Variants in ZNF735 observed in about 807,000 individuals in gnomAD.
ZNF735 encodes the protein putative zinc finger protein 735.
ZNF735 carries 11 observed loss-of-function variants against 13.4 expected under a neutral mutation model. That is an observed-to-expected ratio of 0.82 (90% CI 0.52 to 1.36). ZNF735 has a LOEUF of 1.36. Among genes scored for constraint, ZNF735 ranks in the 40% most tolerant of loss-of-function variants. The pLI, the probability that ZNF735 is intolerant of heterozygous loss-of-function variation, is 0.00. For synonymous variants in ZNF735, 171 were observed against 162.6 expected (o/e 1.05, Z -0.39); for missense variants, 500 against 484.6 (o/e 1.03, Z -0.30).
At chr7:64,211,362 G>A (rs1787358321) in intron 1 of ZNF735, among the ~76,000 whole-genome samples, 1 of 152,146 alleles carries the variant, frequency 6.6e-6, no homozygotes, top group East Asian at 1.9e-4. Context: ...TTTCATCTGT[G>A]TGCTCTATTA....
intron 1 of ZNF735, among the ~76,000 whole-genome samples, chr7:64,210,665 T>TA (rs1787346074): frequency 6.6e-6 from 1 of 152,194 alleles, no homozygotes; most frequent in Non-Finnish European, 1.5e-5. Context: ...CCCATTACTG[T>TA]AAAGAAGATT....
intron 1 of ZNF735, among the ~76,000 whole-genome samples, chr7:64,211,223 A>G (rs995848969): frequency 1.3e-5 from 2 of 152,210 alleles, no homozygotes; most frequent in East Asian, 1.9e-4. Flanking sequence ...ACAAATTTAT[A>G]ACCTGCAATA....
At chr7:64,208,043 T>A (rs1414853927) in intron 1 of ZNF735, among the ~76,000 whole-genome samples, 1 of 151,772 alleles carries the variant, frequency 6.6e-6, no homozygotes, top group Non-Finnish European at 1.5e-5. Context: ...TTGTGATCCA[T>A]GGGAGAGACT....
At chr7:64,208,391 G>A (rs1274448573) in intron 1 of ZNF735, among the ~76,000 whole-genome samples, 2 of 151,490 alleles carry the variant, frequency 1.3e-5, no homozygotes, top group African/African-American at 4.9e-5. Context: ...CGAGTAGCTG[G>A]AATTACAGGT....
At chr7:64,214,048 C>G (rs1787391333) in exon 3 of ZNF735, 2 of 1,600,262 alleles carry the variant, frequency 1.2e-6, no homozygotes, top group Non-Finnish European at 1.7e-6. Context: ...GATCGCCTGT[C>G]TGGAGCAAAA....
At chr7:64,220,279 A>G in exon 4 of ZNF735, 2 of 1,607,282 alleles carry the variant, frequency 1.2e-6, no homozygotes, top group African/African-American at 2.7e-5. Flanking sequence ...GAAACCCTAC[A>G]AATGTAAATA....
chr7:64,209,588 G>T (rs201306307), intron 1 of ZNF735, among the ~76,000 whole-genome samples: 5,923 of 152,230 alleles, frequency 0.039, 182 homozygotes, highest in East Asian at 0.16. Flanking sequence ...GCCTCTGAAA[G>T]TGCTGGGATT....
chr7:64,209,254 A>G (rs1285933257), intron 1 of ZNF735, among the ~76,000 whole-genome samples: 2 of 143,092 alleles, frequency 1.4e-5, no homozygotes. Flanking sequence ...TTTTTAGTCT[A>G]ATTGTTTTTA....
intron 1 of ZNF735, among the ~76,000 whole-genome samples, chr7:64,212,181 T>C (rs746665899): frequency 1.3e-5 from 2 of 152,182 alleles, no homozygotes; most frequent in Non-Finnish European, 2.9e-5. Context: ...TCTTTTTAGA[T>C]GACTTTTGCA....
At chr7:64,207,436 G>T (rs766915515) in intron 1 of ZNF735, among the ~76,000 whole-genome samples, 195 bp downstream of exon 1, 9 of 152,234 alleles carry the variant, frequency 5.9e-5, no homozygotes, top group Non-Finnish European at 1.2e-4. Context: ...GACCCTGGGA[G>T]TTCTGTCTTT....
chr7:64,207,430 CTGGG>C (rs1270238810), intron 1 of ZNF735, among the ~76,000 whole-genome samples, 189 bp downstream of exon 1: 1 of 152,214 alleles, frequency 6.6e-6, no homozygotes, highest in Non-Finnish European at 1.5e-5. Flanking sequence ...GGCTGGGACC[CTGGG>C]AGTTCTGTCT....
At chr7:64,215,814 G>A (rs1046202933) in intron 3 of ZNF735, among the ~76,000 whole-genome samples, 15 of 152,082 alleles carry the variant, frequency 9.9e-5, no homozygotes, top group African/African-American at 3.6e-4. Flanking sequence ...CCTTGTGGCA[G>A]ATTATTTGGT....
At chr7:64,209,460 G>A (rs1787332139) in intron 1 of ZNF735, among the ~76,000 whole-genome samples, 1 of 151,506 alleles carries the variant, frequency 6.6e-6, no homozygotes, top group South Asian at 2.1e-4. Context: ...CGATTCTCCT[G>A]GGATTACAGG....
chr7:64,212,057 A>G (rs975492729), intron 1 of ZNF735, among the ~76,000 whole-genome samples: 2 of 152,134 alleles, frequency 1.3e-5, no homozygotes, highest in Admixed American at 6.6e-5. Context: ...CAAGATCTCT[A>G]TGACATTTTT....
intron 1 of ZNF735, among the ~76,000 whole-genome samples, chr7:64,210,708 G>A (rs1014252446): frequency 6.6e-6 from 1 of 152,052 alleles, no homozygotes; most frequent in Non-Finnish European, 1.5e-5. Context: ...CAGGGAAAAA[G>A]AAACTTATAT....
chr7:64,211,943 TGA>T (rs1489284299), intron 1 of ZNF735, among the ~76,000 whole-genome samples: 1 of 151,192 alleles, frequency 6.6e-6, no homozygotes, highest in East Asian at 1.9e-4. Context: ...TTTACTTTTC[TGA>T]GAGGAGAGAA....
rs962567351 is a variant in ZNF735, at chr7:64,219,878, A to C, written c.827A>C (p.Gln276Pro). The stretch of plus-strand genomic sequence containing the variant: ...CCCTACGCATGTGAAGAATGTGGCC[A>C]AGCCTTTAGGCGCTCCTCAACACTT... Residue 276 changes from glutamine (Q) to proline (P), a missense_variant, in exon 4 of 4, where the codon CAA becomes CCA. Physicochemically the swap from Gln to Pro is moderately conservative, Grantham distance 76 (BLOSUM62 -1). Transcript: ENST00000429565. 3 of 1,613,766 alleles carry C rather than the reference A, an allele frequency of 1.9e-6. No homozygotes were observed. The highest frequency in any genetic ancestry group is 1.7e-5 in the Admixed American group (1 of 59,954).
rs181223820 is a variant in ZNF735 at position 64,219,163 on chromosome 7, A to T, written c.263-151A>T. The T allele has an allele frequency of 7.1e-4, 725 of 1,025,330 alleles. 1 individual carries two copies. Among genetic ancestry groups the T allele is most frequent in the Non-Finnish European group, 8.6e-4 (623 of 726,996 alleles). 63.5% of individuals were successfully genotyped at this position (1,025,330 alleles called of 1,614,324 possible). On this transcript the variant is annotated intron_variant, in intron 3 of 3. Transcript: ENST00000429565. Reference sequence around the variant, plus strand: ...GTATTTTGATAACTATGATTTTGTTACATTTATATATCTATGAAGGAATTA... The same window carrying T: ...GTATTTTGATAACTATGATTTTGTTTCATTTATATATCTATGAAGGAATTA...
rs768596137 is a variant in ZNF735, at chr7:64,214,009, A to T, written c.167-4A>T. 1 of 1,586,150 alleles carries T rather than the reference A, an allele frequency of 6.3e-7. No individual in the cohort carries two copies. The highest frequency in any genetic ancestry group is 1.4e-5 in the African/African-American group (1 of 73,968). ...TAAGTTACTTTTTTTTCTTAATAAA[A>T]CAGGTATGACTGTCTCTAAGCCAGA... On this transcript the variant is annotated splice_region_variant and splice_polypyrimidine_tract_variant and intron_variant, in intron 2 of 3. Coordinates refer to ENST00000429565, the Ensembl canonical transcript of ZNF735.
Sources: allele counts gnomAD v4.1 joint callset (sites outside exome capture counted in the v4.1 genomes callset), GRCh38; gene constraint gnomAD v4.1.1; transcripts MANE v1.5; gene names NCBI Gene and HGNC (gene_info 2026-07-23, HGNC 2026-07-21).